The following SMTNL2 variants were observed in gnomAD, a reference collection of about 807,000 sequenced individuals.
SMTNL2 encodes smoothelin-like protein 2.
Under a neutral mutation model 44.1 loss-of-function variants are expected in SMTNL2, and 43 were observed. The observed-to-expected ratio is 0.98, with a 90% CI of 0.76 to 1.26. The LOEUF (loss-of-function observed/expected upper bound fraction) is 1.26, where lower values mean the gene tolerates loss of function less well. Among genes scored for constraint, SMTNL2 ranks in the 50% most tolerant of loss-of-function variants. The pLI is 0.00. For missense variants in SMTNL2, 646 were observed against 670.2 expected (o/e 0.96, Z 0.40); for synonymous variants, 317 against 287.6 (o/e 1.10, Z -1.03).
chr17:4,600,091 A>G lies in SMTNL2; in HGVS notation c.1259+2768A>G, dbSNP rs1167281726. ...AGAGCCTGGGAAGAGGCCTCCCCTCATGACTCATCCGTAAGATTATCTCCC... is the reference window on the plus strand; with the variant it reads ...AGAGCCTGGGAAGAGGCCTCCCCTCGTGACTCATCCGTAAGATTATCTCCC... On this transcript the variant is annotated intron_variant, in intron 7 of 7. Transcript: ENST00000389313. The surrounding 1 kb of genome is among the most constrained non-coding windows in gnomAD (Gnocchi z 4.7). Among the ~76,000 whole-genome samples the G allele has an allele frequency of 1.3e-5, 2 of 152,020 alleles. No individual in the cohort carries two copies. The highest frequency in any genetic ancestry group is 1.9e-4 in the East Asian group (1 of 5,196).
intron 7 of SMTNL2, 98 bp downstream of exon 7, chr17:4,597,421 C>T (rs991952300): frequency 8.6e-6 from 13 of 1,519,858 alleles, no homozygotes; most frequent in Admixed American, 7.6e-5. Flanking sequence ...GATGTCGGGC[C>T]GCTGTCTGCA....
intron 5 of SMTNL2, among the ~76,000 whole-genome samples, chr17:4,596,634 G>A (rs569297268): frequency 1.4e-4 from 21 of 152,166 alleles, no homozygotes; most frequent in Admixed American, 1.0e-3. Flanking sequence ...GGGTGTGGAC[G>A]GTCCTGCCAC....
chr17:4,601,421 A>AC (rs1433768574), intron 7 of SMTNL2, among the ~76,000 whole-genome samples: 3 of 151,604 alleles, frequency 2.0e-5, no homozygotes, highest in Non-Finnish European at 4.4e-5. Context: ...TCTCAAAAAA[A>AC]AAAATGTAGT....
Position 4,584,716 on chromosome 17 carries a change from GC to G in SMTNL2, c.112del (p.Leu38CysfsTer40). 1 of 1,302,770 alleles carries G rather than the reference GC, an allele frequency of 7.7e-7. No homozygotes were observed. The highest frequency in any genetic ancestry group is 9.7e-7 in the Non-Finnish European group (1 of 1,029,738). 80.7% of individuals were successfully genotyped at this position (1,302,770 alleles called of 1,614,324 possible). A position where few individuals can be genotyped will look rare whatever the true frequency, so the allele number is the denominator to read the frequency against. ...VRALHEDMRG[L>X]QRGVERRVAE... ...GCGCGCTGCACGAGGACATGCGGGG[GC>G]TGCAGCGCGGCGTGGAGCGGCGAGT... On this transcript the variant is annotated frameshift_variant, in exon 1 of 8. Coordinates refer to ENST00000389313, the MANE Select transcript of SMTNL2 (RefSeq NM_001114974.2). LOFTEE classifies it high-confidence loss of function.
At position 4,592,441 on chromosome 17, in the gene SMTNL2, G is replaced by A. The variant is rs766601629; in HGVS notation, c.480G>A (p.Pro160=). The change falls in exon 2 of 8, where the codon CCG becomes CCA. Residue 160 remains proline, a synonymous_variant. Transcript: ENST00000389313. The surrounding 1 kb of genome is among the most constrained non-coding windows in gnomAD (Gnocchi z 4.5). ...GCATCATGGAAAATGGGCACCAGCC[G>A]GGGGCAGGTAGGGCTGACGGCAGAG... ...NSCIMENGHQ[P]GAGPGDGPPE... The A allele has an allele frequency of 3.0e-5, 49 of 1,612,588 alleles. No homozygotes were observed. Among genetic ancestry groups the A allele is most frequent in the South Asian group, 5.5e-5 (5 of 90,974 alleles).
At chr17:4,587,461 A>G (rs976109149) in intron 1 of SMTNL2, among the ~76,000 whole-genome samples, 1 of 152,226 alleles carries the variant, frequency 6.6e-6, no homozygotes, top group African/African-American at 2.4e-5. Context: ...TGTGACCAGC[A>G]CGATGTGATC....
intron 1 of SMTNL2, among the ~76,000 whole-genome samples, chr17:4,591,182 A>T (rs1367476333): frequency 1.3e-5 from 2 of 152,144 alleles, no homozygotes; most frequent in Non-Finnish European, 2.9e-5. Flanking sequence ...CCCCTCCCAG[A>T]CTGATTCCCC....
chr17:4,590,247 G>GT (rs1909518562), intron 1 of SMTNL2, among the ~76,000 whole-genome samples: 1 of 151,978 alleles, frequency 6.6e-6, no homozygotes, highest in African/African-American at 2.4e-5. Flanking sequence ...GATGACAGGC[G>GT]TGAGCCACCG....
chr17:4,596,249 C>T (rs940585044), intron 5 of SMTNL2, among the ~76,000 whole-genome samples: 2 of 152,146 alleles, frequency 1.3e-5, no homozygotes, highest in Non-Finnish European at 2.9e-5. Flanking sequence ...TTGATGCCTG[C>T]TGTGTGCAGG....
intron 7 of SMTNL2, among the ~76,000 whole-genome samples, chr17:4,602,910 C>T (rs1427813184): frequency 6.6e-6 from 1 of 152,224 alleles, no homozygotes. Flanking sequence ...AACCCCTACA[C>T]TCTCATGTAC....
chr17:4,591,879 G>A (rs1486652541), intron 1 of SMTNL2, among the ~76,000 whole-genome samples: 2 of 152,202 alleles, frequency 1.3e-5, no homozygotes, highest in Non-Finnish European at 1.5e-5. Context: ...TTGTGTCCCC[G>A]CCTCCCATGC....
rs989938557 is a variant in SMTNL2 at position 4,595,031 on chromosome 17, G to A, written c.807-114G>A. The A allele has an allele frequency of 1.9e-5, 26 of 1,399,336 alleles. No homozygotes were observed. The highest frequency in any genetic ancestry group is 8.5e-5 in the African/African-American group (6 of 70,614). The allele number at this position is 1,399,336 out of a possible 1,614,324, so 86.7% of individuals were successfully genotyped here. A position where few individuals can be genotyped will look rare whatever the true frequency, so the allele number is the denominator to read the frequency against. On this transcript the variant is annotated intron_variant, in intron 4 of 7. Transcript: ENST00000389313. The surrounding 1 kb of genome is among the most constrained non-coding windows in gnomAD (Gnocchi z 5.1). ...GAGCAAGGGGGCCTCTTCTCTGAGC[G>A]CCCATCACGGTGCAGGCTGCCTTGT...
chr17:4,603,215 G>A (rs891532138), intron 7 of SMTNL2, among the ~76,000 whole-genome samples: 4 of 152,220 alleles, frequency 2.6e-5, no homozygotes, highest in African/African-American at 9.6e-5. Flanking sequence ...CCTATGAAGT[G>A]GGTTAGGGAG....
chr17:4,593,252 C>G, intron 3 of SMTNL2, 81 bp downstream of exon 3: 1 of 1,490,002 alleles, frequency 6.7e-7, no homozygotes. Flanking sequence ...GAGAGGGAGT[C>G]GGTGGGTGAC....
chr17:4,586,676 G>A (rs773062142), intron 1 of SMTNL2, among the ~76,000 whole-genome samples: 99 of 152,312 alleles, frequency 6.5e-4, no homozygotes, highest in Non-Finnish European at 1.2e-3. Flanking sequence ...AGCCCTCTTC[G>A]GGGTGGATGG....
chr17:4,584,013 G>C (rs550826788), upstream of SMTNL2: 1 of 152,354 alleles, frequency 6.6e-6, no homozygotes, highest in Non-Finnish European at 1.5e-5. Context: ...GCGCGTAGTC[G>C]CAGAGTCAGG....
intron 3 of SMTNL2, among the ~76,000 whole-genome samples, chr17:4,593,602 G>A (rs1229498169): frequency 2.6e-5 from 4 of 152,210 alleles, no homozygotes; most frequent in East Asian, 3.9e-4. Flanking sequence ...AGAGCAGGGC[G>A]GGGACAGTTG....
At chr17:4,606,760 A>T (rs1910294260) in intron 7 of SMTNL2, among the ~76,000 whole-genome samples, 1 of 151,976 alleles carries the variant, frequency 6.6e-6, no homozygotes, top group Non-Finnish European at 1.5e-5. Flanking sequence ...CAAAAAAAAA[A>T]TTAGCCAGGC....
At chr17:4,606,531 G>C (rs1910285701) in intron 7 of SMTNL2, among the ~76,000 whole-genome samples, 1 of 152,014 alleles carries the variant, frequency 6.6e-6, no homozygotes, top group Non-Finnish European at 1.5e-5. Context: ...GGAGGCTGAG[G>C]TGGGAAGATC....
Sources: gnomAD v4.1 joint callset for allele counts (sites outside exome capture counted in the v4.1 genomes callset) on GRCh38, gnomAD v4.1.1 for gene constraint, Gnocchi (gnomAD v3.1) non-coding constraint, MANE v1.5 for transcripts, NCBI Gene and HGNC (gene_info 2026-07-23, HGNC 2026-07-21) for gene names.